ESRRG: variants seen among roughly 807,000 people sequenced by gnomAD.
ESRRG encodes the protein estrogen-related receptor gamma.
In ESRRG, 13 loss-of-function variants were observed where a neutral mutation model predicts 44.0. That is an observed-to-expected ratio of 0.30 (90% CI 0.19 to 0.47). ESRRG has a LOEUF of 0.47. Among genes scored for constraint, ESRRG ranks in the 20% least tolerant of loss-of-function variants. The pLI, the probability that ESRRG is intolerant of heterozygous loss-of-function variation, is 1.00. For synonymous variants in ESRRG, 215 were observed against 214.6 expected (o/e 1.00, Z -0.02); for missense variants, 395 against 580.6 (o/e 0.68, Z 3.29).
chr1:216,968,518 G>T (rs1016484520), intron 1 of ESRRG, among the ~76,000 whole-genome samples: 1 of 152,022 alleles, frequency 6.6e-6, no homozygotes, highest in Non-Finnish European at 1.5e-5. Context: ...TATTTCCCCA[G>T]CTCCATTGTC....
chr1:216,603,024 A>G (rs2059449327), intron 3 of ESRRG, among the ~76,000 whole-genome samples: 1 of 152,200 alleles, frequency 6.6e-6, no homozygotes, highest in African/African-American at 2.4e-5. Context: ...CTAATAATAG[A>G]GATCTTAAAG....
rs142930627 is a variant in ESRRG at position 216,718,369 on chromosome 1, T to A, written c.56+4875A>T. ...ATGCACACAAATATACTCCTGGGTA[T>A]CCTATCGACTGCTTTGAGTTTTAAA... On this transcript the variant is annotated intron_variant, in intron 1 of 6. Coordinates refer to ENST00000408911, the MANE Select transcript of ESRRG (RefSeq NM_001438.4). Among the ~76,000 whole-genome samples, 69 of 152,060 alleles carry A rather than the reference T, an allele frequency of 4.5e-4. 1 individual carries two copies. The highest frequency in any genetic ancestry group is 8.4e-4 in the Non-Finnish European group (57 of 67,816).
intron 2 of ESRRG, among the ~76,000 whole-genome samples, chr1:216,933,620 T>G (rs941212036): frequency 6.6e-6 from 1 of 152,162 alleles, no homozygotes; most frequent in Non-Finnish European, 1.5e-5. Flanking sequence ...CAAAATGTGG[T>G]GAAGAAGAAT....
intron 1 of ESRRG, among the ~76,000 whole-genome samples, chr1:216,706,627 T>C (rs2082512579): frequency 6.6e-6 from 1 of 152,170 alleles, no homozygotes; most frequent in African/African-American, 2.4e-5. Flanking sequence ...AGACAAGCAC[T>C]CAGTAACATG....
chr1:216,749,728 C>T (rs538282792), intron 2 of ESRRG, among the ~76,000 whole-genome samples: 29 of 151,992 alleles, frequency 1.9e-4, no homozygotes, highest in African/African-American at 4.8e-5. Context: ...GATGACAGAT[C>T]GAAATCATTA....
chr1:216,860,136 A>C (rs954600549), intron 2 of ESRRG, among the ~76,000 whole-genome samples: 2 of 152,122 alleles, frequency 1.3e-5, no homozygotes, highest in African/African-American at 4.8e-5. Flanking sequence ...ATGGTGGCAC[A>C]TGTCTGTAAT....
intron 2 of ESRRG, among the ~76,000 whole-genome samples, chr1:216,791,397 T>C (rs1474909100): frequency 6.6e-6 from 1 of 152,134 alleles, no homozygotes; most frequent in Non-Finnish European, 1.5e-5. Context: ...CAGAAGCAGA[T>C]GCCACTATGC....
At chr1:217,092,879 G>A (rs564984179), upstream of ESRRG, among the ~76,000 whole-genome samples, 6 of 152,280 alleles carry the variant, frequency 3.9e-5, no homozygotes, top group African/African-American at 1.4e-4. Context: ...TAGCAAAAGT[G>A]TTATCCTTTC....
chr1:216,771,105 G>A (rs901959591), intron 2 of ESRRG, among the ~76,000 whole-genome samples: 8 of 152,038 alleles, frequency 5.3e-5, no homozygotes, highest in African/African-American at 1.9e-4. Context: ...CTCCCAAGTA[G>A]CCAGGAGGCC....
chr1:217,036,425 A>G (rs2082906926), intron 1 of ESRRG, among the ~76,000 whole-genome samples: 2 of 152,218 alleles, frequency 1.3e-5, no homozygotes, highest in South Asian at 2.1e-4. Context: ...ATGCCCATCA[A>G]TGGTAGACTG....
intron 5 of ESRRG, among the ~76,000 whole-genome samples, chr1:216,562,531 T>G (rs2058966542): frequency 6.6e-6 from 1 of 151,988 alleles, no homozygotes; most frequent in Non-Finnish European, 1.5e-5. Flanking sequence ...GGAGGACATT[T>G]GAGGCTGTTT....
chr1:216,938,618 T>A (rs2064582427), intron 2 of ESRRG, among the ~76,000 whole-genome samples: 1 of 152,222 alleles, frequency 6.6e-6, no homozygotes, highest in South Asian at 2.1e-4. Flanking sequence ...GTCTGCTGAA[T>A]GCTGTTCAAA....
chr1:216,642,904 C>T (rs1332204386), intron 3 of ESRRG, among the ~76,000 whole-genome samples: 1 of 152,180 alleles, frequency 6.6e-6, no homozygotes, highest in African/African-American at 2.4e-5. Flanking sequence ...AACAAATCCA[C>T]TTGTAACTAA....
intron 6 of ESRRG, among the ~76,000 whole-genome samples, chr1:216,509,216 TA>T (rs1422155375): frequency 1.3e-5 from 2 of 152,180 alleles, no homozygotes; most frequent in Non-Finnish European, 2.9e-5. Flanking sequence ...TGCATTCCCT[TA>T]AAAATTGGGA....
intron 1 of ESRRG, among the ~76,000 whole-genome samples, chr1:216,696,851 T>A (rs1230878089): frequency 6.6e-6 from 1 of 152,184 alleles, no homozygotes; most frequent in African/African-American, 2.4e-5. Flanking sequence ...CTAATACCTA[T>A]CCTATCTAAT....
intron 4 of ESRRG, among the ~76,000 whole-genome samples, chr1:216,565,888 C>G (rs1448611179): frequency 6.6e-6 from 1 of 151,998 alleles, no homozygotes; most frequent in Non-Finnish European, 1.5e-5. Context: ...GACAATGCAA[C>G]AAAACCTGTC....
chr1:217,028,170 C>T (rs559626042), intron 1 of ESRRG, among the ~76,000 whole-genome samples: 6 of 152,254 alleles, frequency 3.9e-5, no homozygotes, highest in South Asian at 4.1e-4. Flanking sequence ...AAAGGGATAT[C>T]GGTCTTACAG....
chr1:217,100,091 T>C (rs1219131932), intron 1 of ESRRG, among the ~76,000 whole-genome samples: 1 of 152,154 alleles, frequency 6.6e-6, no homozygotes, highest in Non-Finnish European at 1.5e-5. Flanking sequence ...CCCTTCAAAA[T>C]AGTCACTTGG....
chr1:216,677,019 A>C, intron 2 of ESRRG, 57 bp downstream of exon 2: 1 of 1,368,148 alleles, frequency 7.3e-7, no homozygotes, highest in East Asian at 2.3e-5. Flanking sequence ...AAGGAAAAAC[A>C]AAAACCCATC....
Sources: allele counts gnomAD v4.1 joint callset (sites outside exome capture counted in the v4.1 genomes callset), GRCh38; gene constraint gnomAD v4.1.1; transcripts MANE v1.5; gene names NCBI Gene and HGNC (gene_info 2026-07-23, HGNC 2026-07-21).